The following WASL variants were observed in gnomAD, a reference collection of about 807,000 sequenced individuals.
The protein encoded by WASL is actin nucleation-promoting factor WASL.
In WASL, 20 loss-of-function variants were observed where a neutral mutation model predicts 55.5. That is an observed-to-expected ratio of 0.36 (90% CI 0.25 to 0.52). WASL has a LOEUF of 0.52. Among genes scored for constraint, WASL ranks in the 20% least tolerant of loss-of-function variants. WASL has a pLI of 0.92. For synonymous variants in WASL, 249 were observed against 217.6 expected (o/e 1.14, Z -1.27); for missense variants, 504 against 622.5 (o/e 0.81, Z 2.03).
intron 1 of WASL, among the ~76,000 whole-genome samples, chr7:123,733,368 G>A (rs1048451496): frequency 6.6e-6 from 1 of 152,114 alleles, no homozygotes; most frequent in African/African-American, 2.4e-5. Flanking sequence ...TACCAGGAAT[G>A]ACCAATTAAC....
chr7:123,741,662 T>TA (rs781286130), intron 1 of WASL, among the ~76,000 whole-genome samples: 2 of 152,286 alleles, frequency 1.3e-5, no homozygotes, highest in African/African-American at 2.4e-5. Context: ...ATTATTTATT[T>TA]AAAAAATCTA....
At chr7:123,712,947 AG>A (rs1803782808) in intron 1 of WASL, among the ~76,000 whole-genome samples, 1 of 152,192 alleles carries the variant, frequency 6.6e-6, no homozygotes, top group African/African-American at 2.4e-5. Context: ...TCAGGAAAAT[AG>A]GTATTTCTTT....
intron 1 of WASL, among the ~76,000 whole-genome samples, chr7:123,744,315 G>A (rs927967533): frequency 1.3e-5 from 2 of 152,108 alleles, no homozygotes; most frequent in African/African-American, 4.8e-5. Flanking sequence ...ACCTAATCAA[G>A]CAATAAGAAA....
At position 123,689,077 on chromosome 7, in the gene WASL, A is replaced by T; in HGVS notation, c.1421T>A (p.Val474Glu). 1 of 1,611,944 alleles carries T rather than the reference A, an allele frequency of 6.2e-7. No individual in the cohort carries two copies. The highest frequency in any genetic ancestry group is 8.5e-7 in the Non-Finnish European group (1 of 1,179,642). ...AATGGCTTTGCTCCTTTTCTGCATCACTTCCATTAATGCACCCACAATTCC... is the reference window on the plus strand; with the variant it reads ...AATGGCTTTGCTCCTTTTCTGCATCTCTTCCATTAATGCACCCACAATTCC... The part of the protein sequence containing the change: ...TSGIVGALME[V>E]MQKRSKAIHS... Residue 474 changes from valine (V) to glutamate (E), a missense_variant, in exon 10 of 11, where the codon GTG becomes GAG. Physicochemically the swap from Val to Glu is moderately radical, Grantham distance 121 (BLOSUM62 -2). Coordinates refer to ENST00000223023, the MANE Select transcript of WASL (RefSeq NM_003941.4).
intron 1 of WASL, among the ~76,000 whole-genome samples, chr7:123,725,426 TA>T (rs1804025842): frequency 6.6e-6 from 1 of 152,146 alleles, no homozygotes; most frequent in South Asian, 2.1e-4. Context: ...TATGCAAAGA[TA>T]AAAATTAAAA....
In WASL at chr7:123,748,879, G is replaced by A; in HGVS notation, c.-145C>T. 1.5e-6 allele frequency: 1 copy of A among 662,150 alleles called. No homozygotes were observed. Among genetic ancestry groups the A allele is most frequent in the Middle Eastern group, 4.3e-4 (1 of 2,336 alleles). The allele number at this position is 662,150 out of a possible 1,614,324, so 41.0% of individuals were successfully genotyped here. On this transcript the variant is annotated 5_prime_UTR_variant, in exon 1 of 11. Transcript: ENST00000223023. Reference sequence around the variant, plus strand: ...GCTCCTCCGGAGCGGGGAGGAGGACGAGGTCGAGGGAAGCAGGCGCTGACG... The same window carrying A: ...GCTCCTCCGGAGCGGGGAGGAGGACAAGGTCGAGGGAAGCAGGCGCTGACG...
chr7:123,700,874 T>A (rs1282164261), intron 5 of WASL, among the ~76,000 whole-genome samples: 1 of 152,248 alleles, frequency 6.6e-6, no homozygotes, highest in Non-Finnish European at 1.5e-5. Flanking sequence ...AACAAGTCAT[T>A]ATTCAACAAA....
chr7:123,708,211 T>A (rs1307256678), intron 2 of WASL, among the ~76,000 whole-genome samples: 2 of 152,048 alleles, frequency 1.3e-5, no homozygotes, highest in African/African-American at 4.8e-5. Flanking sequence ...AAAGAAGCAC[T>A]AATTTACCAA....
intron 1 of WASL, 114 bp from the exon 2 acceptor site, chr7:123,709,337 T>G (rs956368091): frequency 1.3e-5 from 10 of 776,864 alleles, no homozygotes; most frequent in Non-Finnish European, 1.9e-5. Context: ...AATTCCTGAT[T>G]CACAGAAACA....
chr7:123,703,424 T>C (rs1803621511), intron 5 of WASL, among the ~76,000 whole-genome samples: 1 of 152,172 alleles, frequency 6.6e-6, no homozygotes. Flanking sequence ...CTATTATTGT[T>C]GTCATCATCT....
chr7:123,699,437 C>A (rs987740751), intron 5 of WASL, among the ~76,000 whole-genome samples: 8 of 152,024 alleles, frequency 5.3e-5, no homozygotes, highest in African/African-American at 1.9e-4. Context: ...TTTTCCGGAA[C>A]TAAGTATTCA....
chr7:123,703,152 T>C (rs1803617190), intron 5 of WASL, among the ~76,000 whole-genome samples: 1 of 152,234 alleles, frequency 6.6e-6, no homozygotes, highest in Admixed American at 6.5e-5. Flanking sequence ...CTAATTTATA[T>C]ATCCTGAGAC....
intron 2 of WASL, among the ~76,000 whole-genome samples, chr7:123,707,318 C>T (rs1414409447): frequency 6.6e-6 from 1 of 152,116 alleles, no homozygotes; most frequent in African/African-American, 2.4e-5. Context: ...CCTTGTACTG[C>T]TAATTAACCA....
chr7:123,694,988 C>T, intron 7 of WASL, 120 bp from the exon 8 acceptor site: 1 of 935,364 alleles, frequency 1.1e-6, no homozygotes, highest in East Asian at 2.6e-5. Context: ...GCTTATATTA[C>T]TTATGTGCTA....
At chr7:123,720,911 T>G (rs769798432) in intron 1 of WASL, among the ~76,000 whole-genome samples, 4 of 151,958 alleles carry the variant, frequency 2.6e-5, no homozygotes, top group Non-Finnish European at 5.9e-5. Flanking sequence ...CACATTATGG[T>G]GCAAGTCTGA....
chr7:123,717,163 T>C (rs1316337635), intron 1 of WASL, among the ~76,000 whole-genome samples: 2 of 151,990 alleles, frequency 1.3e-5, no homozygotes, highest in African/African-American at 4.8e-5. Context: ...GTAGTGGTTG[T>C]AGAAAGTAAA....
At chr7:123,748,038 A>G (rs1804467112) in intron 1 of WASL, among the ~76,000 whole-genome samples, 1 of 152,040 alleles carries the variant, frequency 6.6e-6, no homozygotes, top group African/African-American at 2.4e-5. Context: ...AGGTTGCTAG[A>G]GAAATAAATC....
At chr7:123,736,772 A>G (rs758542621) in intron 1 of WASL, among the ~76,000 whole-genome samples, 66 of 152,244 alleles carry the variant, frequency 4.3e-4, no homozygotes, top group Non-Finnish European at 5.7e-4. Context: ...CTTGCTTTCC[A>G]ATGGGAAGCC....
chr7:123,709,016 A>C, intron 2 of WASL, 73 bp downstream of exon 2: 1 of 1,391,394 alleles, frequency 7.2e-7, no homozygotes, highest in Non-Finnish European at 9.6e-7. Flanking sequence ...AGGATAAACA[A>C]ATCTAAACTA....
Sources: gnomAD v4.1 joint callset for allele counts (sites outside exome capture counted in the v4.1 genomes callset) on GRCh38, gnomAD v4.1.1 for gene constraint, MANE v1.5 for transcripts, NCBI Gene and HGNC (gene_info 2026-07-23, HGNC 2026-07-21) for gene names.